Variants in PEAR1 observed in about 807,000 individuals in gnomAD.
PEAR1 encodes multiple EGF-like domains protein 12.
A neutral mutation model predicts 131.2 loss-of-function variants in PEAR1; 113 were observed. The observed-to-expected ratio is 0.86, with a 90% CI of 0.74 to 1.01. The LOEUF (loss-of-function observed/expected upper bound fraction) is 1.01. Among genes scored for constraint, PEAR1 ranks in the 50% least tolerant of loss-of-function variants. The probability of loss-of-function intolerance (pLI) is 0.00; values close to 1 mark genes in which losing one functional copy is unlikely to be tolerated. For missense variants in PEAR1, 1,408 were observed against 1,391.1 expected, an observed-to-expected ratio of 1.01 and a Z score of -0.19; for synonymous variants, 565 against 523.3, an observed-to-expected ratio of 1.08 and a Z score of -1.09.
chr1:156,896,593 C>T (rs568208462), intron 1 of PEAR1, among the ~76,000 whole-genome samples: 11 of 152,344 alleles, frequency 7.2e-5, no homozygotes, highest in Admixed American at 5.2e-4. Context: ...GGGCGTAGCC[C>T]GCTCACTGCT....
In PEAR1 at chr1:156,913,061, G is replaced by C. The variant is rs76032315; in HGVS notation, c.2422+79G>C. ...GAGTGGATGCTGGGCATGACCCAAA[G>C]GGAAGATGAGGAGTGGGGAGGAGGG... is the stretch of plus-strand genomic sequence containing the variant. On this transcript the variant is annotated intron_variant, in intron 18 of 22. Transcript: ENST00000292357. The C allele has an allele frequency of 4.4e-3, 7,027 of 1,583,038 alleles. 263 individuals are homozygous for C. In the African/African-American group the frequency reaches 0.079, roughly 18 times the overall value.
rs1420809109 is a variant in PEAR1 at position 156,902,329 on chromosome 1, G to C, written c.-9-1589G>C. On this transcript the variant is annotated intron_variant, in intron 1 of 22. Coordinates refer to ENST00000292357, the MANE Select transcript of PEAR1 (RefSeq NM_001080471.3). The surrounding 1 kb of genome is among the most constrained non-coding windows in gnomAD (Gnocchi z 4.3). ...GAGGATGGATAGGAGGAAGCACAGA[G>C]GAGGCTAGAGGCTGAGATTCGCCCT... 1.3e-5 allele frequency: 2 copies of C among 153,094 alleles called. No individual in the cohort carries two copies. Among genetic ancestry groups the C allele is most frequent in the African/African-American group, 4.8e-5 (2 of 41,464 alleles). 9.5% of individuals were successfully genotyped at this position (153,094 alleles called of 1,614,324 possible).
chr1:156,909,554 G>C (rs762591267), intron 11 of PEAR1, among the ~76,000 whole-genome samples, 197 bp from the exon 12 acceptor site: 31 of 152,160 alleles, frequency 2.0e-4, no homozygotes, highest in Non-Finnish European at 4.0e-4. Context: ...CCCAGAATGG[G>C]GTGGTACCTC....
At chr1:156,913,173 G>A (rs1201687139) in intron 18 of PEAR1, 21 bp from the exon 19 acceptor site, 4 of 1,610,000 alleles carry the variant, frequency 2.5e-6, no homozygotes, top group Non-Finnish European at 3.4e-6. Flanking sequence ...AGCTCACCCT[G>A]TGCTTGTGTC....
In PEAR1 at chr1:156,915,907, T is replaced by C. The variant is rs538665339; in HGVS notation, c.*1109T>C. On this transcript the variant is annotated 3_prime_UTR_variant, in exon 23 of 23. Coordinates refer to ENST00000292357, the MANE Select transcript of PEAR1 (RefSeq NM_001080471.3). ...TAACTGCTAAGATAGATGAGCCATC[T>C]GTATGCTCTGACAGTTACAGACTGA... The C allele has an allele frequency of 6.6e-6, 1 of 152,370 alleles. No individual in the cohort carries two copies. The highest frequency in any genetic ancestry group is 2.4e-5 in the African/African-American group (1 of 41,582). The allele number at this position is 152,370 out of a possible 1,614,324, so 9.4% of individuals were successfully genotyped here. A position where few individuals can be genotyped will look rare whatever the true frequency, so the allele number is the denominator to read the frequency against.
chr1:156,907,486 G>T (rs1650464605), intron 6 of PEAR1, 124 bp from the exon 7 acceptor site: 3 of 1,451,398 alleles, frequency 2.1e-6, no homozygotes, highest in East Asian at 5.0e-5. Flanking sequence ...ACAGTCCCCA[G>T]CAGGAAAGAG....
In PEAR1 at chr1:156,908,146, G is replaced by A. The variant is rs774320936; in HGVS notation, c.921G>A (p.Pro307=). ...TGCCCAGGTGCCGGGAGGAGTGCCC[G>A]GTGGGCCGCTTTGGGCAGGACTGTG... ...YTGDRCREEC[P]VGRFGQDCAE... The change falls in exon 9 of 23, where the codon CCG becomes CCA. Residue 307 remains proline (P), a synonymous_variant. Transcript: ENST00000292357. This position sits in a 1 kb window ranked among gnomAD's most constrained non-coding sequence, Gnocchi z 4.2. 1.3e-5 allele frequency: 20 copies of A among 1,598,352 alleles called. No individual in the cohort carries two copies. The highest frequency in any genetic ancestry group is 8.0e-5 in the African/African-American group (6 of 74,746).
chr1:156,910,847 C>T, intron 15 of PEAR1, 104 bp downstream of exon 15: 1 of 1,497,322 alleles, frequency 6.7e-7, no homozygotes, highest in South Asian at 1.3e-5. Context: ...GCCTCTGGGC[C>T]CACCTTGAGT....
At chr1:156,901,780 A>T (rs1240605748) in intron 1 of PEAR1, among the ~76,000 whole-genome samples, 2 of 151,466 alleles carry the variant, frequency 1.3e-5, no homozygotes, top group Non-Finnish European at 3.0e-5. Flanking sequence ...TGCCAACCAC[A>T]CTGAGGGAGA....
At position 156,904,844 on chromosome 1, in the gene PEAR1, C is replaced by T; in HGVS notation, c.198C>T (p.Pro66=). ...ERPWEGPHTC[P]QPTVVYRTVY... ...CCTGGGAGGGCCCCCATACTTGCCC[C>T]CAGCCCACGTGAGTGCTCCTCATCC... is the stretch of plus-strand genomic sequence containing the variant. The change falls in exon 3 of 23, where the codon CCC becomes CCT. Residue 66 remains proline, a synonymous_variant. Transcript: ENST00000292357. 6.2e-7 allele frequency: 1 copy of T among 1,613,858 alleles called. No homozygotes were observed. The highest frequency in any genetic ancestry group is 1.1e-5 in the South Asian group (1 of 91,062).
chr1:156,912,605 G>T lies in PEAR1; in HGVS notation c.2192G>T (p.Gly731Val). 1.9e-6 allele frequency: 3 copies of T among 1,613,814 alleles called. No individual in the cohort carries two copies. The highest frequency in any genetic ancestry group is 1.1e-5 in the South Asian group (1 of 91,038). ...TGTGTATGTCCCCCAGGGCACAGTG[G>T]TGCACCTTGCAGGATTGGTGAGTTC... ...GACVCPPGHS[G>V]APCRIGIQEP... Residue 731 changes from glycine to valine, a missense_variant, in exon 17 of 23, where the codon GGT becomes GTT. Gly to Val is a moderately radical substitution (Grantham distance 109). Coordinates refer to ENST00000292357, the MANE Select transcript of PEAR1 (RefSeq NM_001080471.3).
chr1:156,905,361 AC>A lies in PEAR1; in HGVS notation c.245del (p.Thr82ArgfsTer295). 1 of 1,611,778 alleles carries A rather than the reference AC, an allele frequency of 6.2e-7. No individual in the cohort carries two copies. The highest frequency in any genetic ancestry group is 8.5e-7 in the Non-Finnish European group (1 of 1,179,252). The stretch of plus-strand genomic sequence containing the variant: ...GACCGTGTACCGTCAGGTGGTGAAG[AC>A]GGACCACCGCCAGCGCCTGCAGTGC... ...YRTVYRQVVK[T>X]DHRQRLQCCH... On this transcript the variant is annotated frameshift_variant, in exon 4 of 23. Transcript: ENST00000292357. LOFTEE classifies it high-confidence loss of function.
chr1:156,901,663 G>A (rs1056245078), intron 1 of PEAR1, among the ~76,000 whole-genome samples: 7 of 152,168 alleles, frequency 4.6e-5, no homozygotes, highest in African/African-American at 1.7e-4. Context: ...GAGCACAGGG[G>A]CCCCACGCCA....
chr1:156,912,104 C>G (rs1379629616), intron 15 of PEAR1, 143 bp from the exon 16 acceptor site: 2 of 1,021,032 alleles, frequency 2.0e-6, no homozygotes, highest in African/African-American at 3.3e-5. Context: ...ATTTGTGAGT[C>G]ATTGGTTGCA....
chr1:156,903,802 GAC>G, intron 1 of PEAR1, 114 bp from the exon 2 acceptor site: 2 of 792,758 alleles, frequency 2.5e-6, no homozygotes, highest in Non-Finnish European at 4.3e-6. Flanking sequence ...GGGGCCAGAG[GAC>G]ACGGGGCCGC....
chr1:156,896,759 T>C (rs1362140700), intron 1 of PEAR1, among the ~76,000 whole-genome samples: 1 of 152,070 alleles, frequency 6.6e-6, no homozygotes, highest in Non-Finnish European at 1.5e-5. Context: ...GCTCAGGCGG[T>C]GTGGGCATGC....
Position 156,909,845 on chromosome 1 carries a change from C to T in PEAR1, c.1506C>T (p.Cys502=), listed in dbSNP as rs1650840247. 2 of 1,613,880 alleles carry T rather than the reference C, an allele frequency of 1.2e-6. No individual in the cohort carries two copies. The highest frequency in any genetic ancestry group is 1.7e-6 in the Non-Finnish European group (2 of 1,179,826). The change falls in exon 12 of 23, where the codon TGC becomes TGT. Residue 502 remains cysteine, a synonymous_variant. Coordinates refer to ENST00000292357, the MANE Select transcript of PEAR1 (RefSeq NM_001080471.3). The part of the protein sequence containing the change: ...ASCQCAHEAV[C]SPQTGACTCT... ...GCCAGTGTGCCCATGAGGCAGTCTGCAGCCCCCAAACTGGAGCCTGTACCT... is the reference window on the plus strand; with the variant it reads ...GCCAGTGTGCCCATGAGGCAGTCTGTAGCCCCCAAACTGGAGCCTGTACCT...
chr1:156,912,445 G>A, intron 16 of PEAR1, 49 bp from the exon 17 acceptor site: 1 of 1,603,978 alleles, frequency 6.2e-7, no homozygotes, highest in Non-Finnish European at 8.5e-7. Flanking sequence ...GGAGACTAGA[G>A]TTTCCTGGCG....
intron 11 of PEAR1, 109 bp from the exon 12 acceptor site, chr1:156,909,642 C>T: frequency 7.8e-7 from 1 of 1,278,322 alleles, no homozygotes; most frequent in Non-Finnish European, 1.1e-6. Flanking sequence ...TGAACACCCC[C>T]CACCCACCCC....
Sources: gnomAD v4.1 joint callset for allele counts (sites outside exome capture counted in the v4.1 genomes callset) on GRCh38, gnomAD v4.1.1 for gene constraint, Gnocchi (gnomAD v3.1) non-coding constraint, MANE v1.5 for transcripts, NCBI Gene and HGNC (gene_info 2026-07-23, HGNC 2026-07-21) for gene names.